The following MDN1 variants were observed in gnomAD, a reference collection of about 807,000 sequenced individuals.
MDN1 encodes midasin.
Under a neutral mutation model 669.2 loss-of-function variants are expected in MDN1, and 266 were observed. The observed-to-expected ratio is 0.40, with a 90% CI of 0.36 to 0.44. The LOEUF (loss-of-function observed/expected upper bound fraction) is 0.44. Among genes scored for constraint, MDN1 ranks in the 20% least tolerant of loss-of-function variants. MDN1 has a pLI of 1.00. For synonymous variants in MDN1, 2,385 were observed against 2,457.1 expected (o/e 0.97, Z 0.87); for missense variants, 5,940 against 6,754.0 (o/e 0.88, Z 4.22).
intron 1 of MDN1, among the ~76,000 whole-genome samples, chr6:89,805,565 TGAG>T (rs1767961077): frequency 6.6e-6 from 1 of 151,964 alleles, no homozygotes; most frequent in Non-Finnish European, 1.5e-5. Flanking sequence ...AAAAAAAGGA[TGAG>T]GAGGAGGCTC....
At chr6:89,794,921 G>A (rs1819497557) in intron 2 of MDN1, 120 bp from the exon 3 acceptor site, 1 of 815,320 alleles carries the variant, frequency 1.2e-6, no homozygotes, top group Admixed American at 2.6e-5. Context: ...TTTTCAAAAA[G>A]GAGTATCTAT....
In MDN1 at chr6:89,689,973, A is replaced by G. The variant is rs1562094258; in HGVS notation, c.10920T>C (p.Tyr3640=). 2 of 1,614,230 alleles carry G rather than the reference A, an allele frequency of 1.2e-6. No individual in the cohort carries two copies. The highest frequency in any genetic ancestry group is 2.2e-5 in the East Asian group (1 of 44,884). Residue 3640 remains tyrosine, a synonymous_variant, in exon 65 of 102, where the codon TAT becomes TAC. Transcript: ENST00000369393. ...LCLNFARSLW[Y]QQTLPPHEAK... is the part of the protein sequence containing the mutation. Reference sequence around the variant, plus strand: ...CTTCATGTGGCGGCAGAGTCTGTTGATACCAGAGGGATCGAGCAAAGTTGA... The same window carrying G: ...CTTCATGTGGCGGCAGAGTCTGTTGGTACCAGAGGGATCGAGCAAAGTTGA...
intron 15 of MDN1, among the ~76,000 whole-genome samples, chr6:89,767,670 C>T (rs920033704): frequency 2.6e-5 from 4 of 151,922 alleles, no homozygotes; most frequent in South Asian, 2.1e-4. Context: ...GCAGGAGAAT[C>T]GCTTGAACCA....
chr6:89,706,636 A>AATTTTC (rs1474124406), intron 52 of MDN1, among the ~76,000 whole-genome samples: 1 of 152,160 alleles, frequency 6.6e-6, no homozygotes, highest in Non-Finnish European at 1.5e-5. Context: ...TCAGATTTCA[A>AATTTTC]ATTTTCATAT....
intron 31 of MDN1, among the ~76,000 whole-genome samples, chr6:89,742,536 C>T (rs1336735978): frequency 1.3e-5 from 2 of 152,210 alleles, no homozygotes; most frequent in Non-Finnish European, 2.9e-5. Flanking sequence ...ACCACTAACT[C>T]AGTGACTCAG....
rs761270118 is a variant in MDN1, at chr6:89,675,533, T to A, written c.12692A>T (p.His4231Leu). Reference sequence around the variant, plus strand: ...CTGTCGGACGAGCATCTTCATCAAATGTGCTGAGAACCCTCTGCACCTCTC... The same window carrying A: ...CTGTCGGACGAGCATCTTCATCAAAAGTGCTGAGAACCCTCTGCACCTCTC... ...NVERCRGFSAHLMKMLVRQRR... is the reference protein window; with the variant it reads ...NVERCRGFSALLMKMLVRQRR... Residue 4231 changes from histidine to leucine, a missense_variant, in exon 78 of 102, where the codon CAT becomes CTT. Physicochemically the swap from His to Leu is moderately conservative, Grantham distance 99 (BLOSUM62 -3). This residue lies in a region of MDN1 where 2,280 missense variants were observed against 2,576.3 expected (regional missense o/e 0.88). Transcript: ENST00000369393. 8 of 1,613,870 alleles carry A rather than the reference T, an allele frequency of 5.0e-6. 1 individual carries two copies. Among genetic ancestry groups the A allele is most frequent in the Non-Finnish European group, 1.7e-6 (2 of 1,180,034 alleles).
At chr6:89,745,727 G>T in intron 27 of MDN1, 101 bp from the exon 28 acceptor site, 1 of 1,157,482 alleles carries the variant, frequency 8.6e-7, no homozygotes, top group South Asian at 1.6e-5. Flanking sequence ...TCTCATACGC[G>T]GCTGGTGAGG....
Position 89,653,187 on chromosome 6 carries a change from T to C in MDN1, c.15662-32A>G, listed in dbSNP as rs143913769. 2,344 of 1,593,378 alleles carry C rather than the reference T, an allele frequency of 1.5e-3. 28 individuals carry two copies. In the African/African-American group the frequency reaches 0.028, roughly 19 times the overall value. ...TCATTTAAGGACATAATTTTACTTA[T>C]AATATTAGCCTGATGACTGACCAAG... On this transcript the variant is annotated intron_variant, in intron 93 of 101. Transcript: ENST00000369393.
At position 89,643,557 on chromosome 6, in the gene MDN1, C is replaced by A. The variant is rs993614935; in HGVS notation, c.*448G>T. On this transcript the variant is annotated 3_prime_UTR_variant, in exon 102 of 102. Coordinates refer to ENST00000369393, the MANE Select transcript of MDN1 (RefSeq NM_014611.3). ...GGCCACTTGACAGCTTTTGGGCACA[C>A]ACTATGGGCTTGGCAAGGCAGAGCT... 1 of 154,966 alleles carries A rather than the reference C, an allele frequency of 6.5e-6. No homozygotes were observed. Among genetic ancestry groups the A allele is most frequent in the African/African-American group, 2.4e-5 (1 of 41,474 alleles). The allele number at this position is 154,966 out of a possible 1,614,324, so 9.6% of individuals were successfully genotyped here. A position where few individuals can be genotyped will look rare whatever the true frequency, so the allele number is the denominator to read the frequency against.
intron 53 of MDN1, among the ~76,000 whole-genome samples, chr6:89,704,590 T>C (rs373622143): frequency 5.3e-5 from 8 of 152,262 alleles, no homozygotes; most frequent in Admixed American, 3.3e-4. Flanking sequence ...ACTAGGCCAA[T>C]GAATTTTCTT....
intron 62 of MDN1, 43 bp from the exon 63 acceptor site, chr6:89,693,191 G>C: frequency 7.1e-7 from 1 of 1,402,876 alleles, no homozygotes; most frequent in Non-Finnish European, 9.7e-7. Flanking sequence ...GTCAGAAGAA[G>C]AGCAGCAAAT....
rs373521277 is a variant in MDN1 at position 89,662,380 on chromosome 6, G to C, written c.14413-141C>G. On this transcript the variant is annotated intron_variant, in intron 86 of 101. Coordinates refer to ENST00000369393, the MANE Select transcript of MDN1 (RefSeq NM_014611.3). ...CTGATAAAGTGCCATCCGTGACCTA[G>C]AGAAAACAGTGCAGGTCTCCATGAC... 53 of 787,690 alleles carry C rather than the reference G, an allele frequency of 6.7e-5. 1 individual carries two copies. Among genetic ancestry groups the C allele is most frequent in the East Asian group, 1.9e-4 (7 of 37,244 alleles). The allele number at this position is 787,690 out of a possible 1,614,324, so 48.8% of individuals were successfully genotyped here.
At chr6:89,689,833 C>A (rs774432233) in intron 65 of MDN1, 37 bp downstream of exon 65, 42 of 1,594,560 alleles carry the variant, frequency 2.6e-5, no homozygotes, top group Non-Finnish European at 3.6e-5. Context: ...CATTTGCTTT[C>A]ATTTCCCAGG....
intron 78 of MDN1, 37 bp from the exon 79 acceptor site, chr6:89,674,626 G>A: frequency 6.7e-7 from 1 of 1,502,532 alleles, no homozygotes; most frequent in Admixed American, 2.2e-5. Context: ...CACAATGAAT[G>A]GCACCTTAAA....
chr6:89,803,288 C>T (rs1767782884), intron 2 of MDN1, 40 bp downstream of exon 2: 10 of 1,561,314 alleles, frequency 6.4e-6, no homozygotes, highest in Non-Finnish European at 7.9e-6. Flanking sequence ...CAGGTTCTAT[C>T]ACCTCAAGGA....
chr6:89,689,428 A>G (rs1812232826), intron 65 of MDN1, among the ~76,000 whole-genome samples: 1 of 152,188 alleles, frequency 6.6e-6, no homozygotes, highest in Non-Finnish European at 1.5e-5. Flanking sequence ...AATAATGCCA[A>G]GAAATCATGT....
At chr6:89,818,961 G>A (rs772735134) in intron 1 of MDN1, among the ~76,000 whole-genome samples, 21 of 152,288 alleles carry the variant, frequency 1.4e-4, no homozygotes, top group Middle Eastern at 6.8e-3. Context: ...CTGTACTTCA[G>A]CTGTTGTAAG....
In MDN1 at chr6:89,803,457, G is replaced by C; in HGVS notation, c.200C>G (p.Pro67Arg). ...CCTTTCCAGCAAATCCAAAAGGAGA[G>C]GGCGAAGCTGGCGACCAACCAGCAC... Reference protein sequence around the residue: ...CTVLVGRQLRPLLLDLLERNA... With the variant: ...CTVLVGRQLRRLLLDLLERNA... The change falls in exon 2 of 102, where the codon CCT (proline) becomes CGT (arginine). Residue 67 changes from proline to arginine, a missense_variant. Pro to Arg is a moderately radical substitution (Grantham distance 103). Around this residue, in one of 5 missense-constraint regions of MDN1, gnomAD observed 1,203 missense variants for 1,268.9 expected, o/e 0.95. Coordinates refer to ENST00000369393, the MANE Select transcript of MDN1 (RefSeq NM_014611.3). 6.2e-7 allele frequency: 1 copy of C among 1,614,154 alleles called. No homozygotes were observed. The highest frequency in any genetic ancestry group is 8.5e-7 in the Non-Finnish European group (1 of 1,180,014).
intron 53 of MDN1, among the ~76,000 whole-genome samples, chr6:89,703,756 T>C (rs991549591): frequency 6.6e-6 from 1 of 152,128 alleles, no homozygotes; most frequent in East Asian, 1.9e-4. Context: ...TTCATACCTG[T>C]AATCCAGCAT....
Sources: allele counts gnomAD v4.1 joint callset (sites outside exome capture counted in the v4.1 genomes callset), GRCh38; gene constraint gnomAD v4.1.1; regional missense constraint gnomAD v4.1.1; transcripts MANE v1.5; gene names NCBI Gene and HGNC (gene_info 2026-07-23, HGNC 2026-07-21).